WDR5: variants seen among roughly 807,000 people sequenced by gnomAD.
WDR5 encodes WD repeat domain 5.
For missense variants in WDR5, 187 were observed against 416.9 expected, an observed-to-expected ratio of 0.45 and a Z score of 4.80; for synonymous variants, 144 against 161.6, an observed-to-expected ratio of 0.89 and a Z score of 0.83.
chr9:134,155,407 A>G lies in WDR5; in HGVS notation c.741+34A>G, dbSNP rs768022184. On this transcript the variant is annotated intron_variant, in intron 11 of 13. Transcript: ENST00000358625. The stretch of plus-strand genomic sequence containing the variant: ...CCGCAGGCTTGGGCCCCCATGGTGC[A>G]CCATCCCTGGGTCATGGCCTCTGGT... 7.6e-6 allele frequency: 12 copies of G among 1,584,688 alleles called. No homozygotes were observed. In the South Asian group the frequency reaches 9.3e-5, roughly 12 times the overall value.
intron 11 of WDR5, 42 bp downstream of exon 11, chr9:134,155,415 T>C: frequency 6.4e-7 from 1 of 1,574,286 alleles, no homozygotes; most frequent in Non-Finnish European, 8.6e-7. Flanking sequence ...GCACCATCCC[T>C]GGGTCATGGC....
intron 7 of WDR5, among the ~76,000 whole-genome samples, chr9:134,143,538 T>TC (rs1832009880): frequency 6.6e-6 from 1 of 151,690 alleles, no homozygotes; most frequent in African/African-American, 2.4e-5. Flanking sequence ...TGTCTTTTTT[T>TC]TTTTTTGAGA....
chr9:134,140,066 C>A, intron 2 of WDR5, 108 bp downstream of exon 2: 1 of 1,284,974 alleles, frequency 7.8e-7, no homozygotes, highest in Non-Finnish European at 1.1e-6. Flanking sequence ...AGTTAAATGT[C>A]ACTGCTAATT....
At position 134,157,046 on chromosome 9, in the gene WDR5, A is replaced by C. The variant is rs1332700466; in HGVS notation, c.904+453A>C. On this transcript the variant is annotated intron_variant, in intron 13 of 13. Transcript: ENST00000358625. The surrounding 1 kb of genome is among the most constrained non-coding windows in gnomAD (Gnocchi z 5.0). ...GGGCTCCACGGCGGAGCTGGTTCCC[A>C]GGCTACCTGGGGTTGCCACCTCTGT... 6.6e-6 allele frequency among the ~76,000 whole-genome samples: 1 copy of C among 151,674 alleles called. No homozygotes were observed. The highest frequency in any genetic ancestry group is 2.1e-4 in the South Asian group (1 of 4,814).
intron 8 of WDR5, 68 bp downstream of exon 8, chr9:134,148,411 C>CCCCAGATGCAGGAACAG: frequency 7.1e-7 from 1 of 1,409,132 alleles, no homozygotes; most frequent in Non-Finnish European, 1.0e-6. Context: ...TGCACTGTTC[C>CCCCAGATGCAGGAACAG]TGCATCTGGG....
At position 134,157,875 on chromosome 9, in the gene WDR5, CTG is replaced by C. The variant is rs1439771417; in HGVS notation, c.905-14_905-13del. On this transcript the variant is annotated splice_polypyrimidine_tract_variant and intron_variant, in intron 13 of 13. Transcript: ENST00000358625. The surrounding 1 kb of genome is among the most constrained non-coding windows in gnomAD (Gnocchi z 5.0). Reference sequence around the variant, plus strand: ...GGCGCAGGGATGGCTCTGGTTCTGACTGTGTCTTTGTTTTCAGATGTCGTGAT... The same window carrying C: ...GGCGCAGGGATGGCTCTGGTTCTGACTGTCTTTGTTTTCAGATGTCGTGAT... The C allele has an allele frequency of 4.3e-6, 7 of 1,613,122 alleles. No individual in the cohort carries two copies. The highest frequency in any genetic ancestry group is 2.2e-5 in the South Asian group (2 of 91,070).
chr9:134,147,523 C>A (rs1832266991), intron 7 of WDR5, among the ~76,000 whole-genome samples: 1 of 152,160 alleles, frequency 6.6e-6, no homozygotes, highest in East Asian at 1.9e-4. Context: ...ACCCTGTCCC[C>A]CCCGGAAGAG....
chr9:134,144,962 CA>C (rs1832095740), intron 7 of WDR5, among the ~76,000 whole-genome samples: 1 of 152,086 alleles, frequency 6.6e-6, no homozygotes, highest in Non-Finnish European at 1.5e-5. Context: ...TTTTTAGGTG[CA>C]TATTTTCCAG....
intron 4 of WDR5, 31 bp downstream of exon 4, chr9:134,141,614 C>T: frequency 1.9e-6 from 3 of 1,610,840 alleles, no homozygotes; most frequent in Non-Finnish European, 2.5e-6. Context: ...GTGAAGTTGA[C>T]TGTTGAACAG....
chr9:134,148,215 A>G, intron 7 of WDR5, 73 bp from the exon 8 acceptor site: 2 of 360,316 alleles, frequency 5.6e-6, no homozygotes, highest in Non-Finnish European at 1.0e-5. Flanking sequence ...TTTTTTTGAG[A>G]TCAGGTAAGA....
In WDR5 at chr9:134,156,589, C is replaced by T. The variant is rs1238412165; in HGVS notation, c.900C>T (p.His300=). 25 of 1,614,032 alleles carry T rather than the reference C, an allele frequency of 1.5e-5. No individual in the cohort carries two copies. Among genetic ancestry groups the T allele is most frequent in the Non-Finnish European group, 2.0e-5 (24 of 1,179,998 alleles). The stretch of plus-strand genomic sequence containing the variant: ...AGATTGTACAGAAACTACAAGGCCA[C>T]ACAGGTGAGGGCCTGCGCTCCTGCA... The part of the protein sequence containing the change: ...TKEIVQKLQG[H]TDVVISTACH... Residue 300 remains histidine, a synonymous_variant, in exon 13 of 14, where the codon CAC becomes CAT. Transcript: ENST00000358625.
intron 5 of WDR5, 129 bp downstream of exon 5, chr9:134,142,167 G>T (rs541989019): frequency 6.6e-6 from 5 of 763,186 alleles, no homozygotes; most frequent in South Asian, 6.5e-5. Flanking sequence ...GGCTGCAGGG[G>T]CATGGGGCGG....
Position 134,157,205 on chromosome 9 carries a change from C to A in WDR5, c.904+612C>A, listed in dbSNP as rs28635910. Among the ~76,000 whole-genome samples, 66,382 of 152,090 alleles carry A rather than the reference C, an allele frequency of 0.44. 14,755 individuals are homozygous for A. Among genetic ancestry groups the A allele is most frequent in the Non-Finnish European group, 0.48 (32,780 of 67,952 alleles). On this transcript the variant is annotated intron_variant, in intron 13 of 13. Coordinates refer to ENST00000358625, the MANE Select transcript of WDR5 (RefSeq NM_017588.3). The surrounding 1 kb of genome is among the most constrained non-coding windows in gnomAD (Gnocchi z 5.0). ...CTGGGGAGGCACTGCTTCTCCCTCC[C>A]TGTGAGCAGCTTCACCCAGCCTGGG...
chr9:134,156,365 G>T, intron 12 of WDR5, 141 bp from the exon 13 acceptor site: 1 of 768,626 alleles, frequency 1.3e-6, no homozygotes, highest in Non-Finnish European at 2.2e-6. Context: ...GGGCAGGCAG[G>T]GCTTTTTGGT....
In WDR5 at chr9:134,139,868, C is replaced by T. The variant is rs1365359761; in HGVS notation, c.-10C>T. On this transcript the variant is annotated 5_prime_UTR_variant, in exon 2 of 14. Coordinates refer to ENST00000358625, the MANE Select transcript of WDR5 (RefSeq NM_017588.3). ...CCACCCTTGTCTCCTGTGCGGCCAGCGTCAGAGCCATGGCGACGGAGGAGA... is the reference window on the plus strand; with the variant it reads ...CCACCCTTGTCTCCTGTGCGGCCAGTGTCAGAGCCATGGCGACGGAGGAGA... 1.6e-5 allele frequency: 26 copies of T among 1,613,372 alleles called. No homozygotes were observed. Among genetic ancestry groups the T allele is most frequent in the African/African-American group, 8.0e-5 (6 of 74,916 alleles).
chr9:134,148,248 A>G, intron 7 of WDR5, 40 bp from the exon 8 acceptor site: 1 of 1,441,256 alleles, frequency 6.9e-7, no homozygotes, highest in Non-Finnish European at 9.6e-7. Context: ...CCTGACTTGA[A>G]AGTAAGTTTT....
intron 3 of WDR5, 106 bp from the exon 4 acceptor site, chr9:134,141,404 A>G: frequency 9.2e-7 from 1 of 1,091,812 alleles, no homozygotes; most frequent in South Asian, 1.3e-5. Context: ...CATGTGGTTC[A>G]TGCTGATCAC....
intron 12 of WDR5, 91 bp downstream of exon 12, chr9:134,155,858 C>T: frequency 8.5e-7 from 1 of 1,176,438 alleles, no homozygotes; most frequent in Non-Finnish European, 1.2e-6. Context: ...TACTCAGAGA[C>T]ACTTTTCTGT....
Position 134,136,534 on chromosome 9 carries a change from C to T in WDR5, c.-59+334C>T, listed in dbSNP as rs372155121. On this transcript the variant is annotated intron_variant, in intron 1 of 13. Coordinates refer to ENST00000358625, the MANE Select transcript of WDR5 (RefSeq NM_017588.3). Reference sequence around the variant, plus strand: ...CGGCCTCACATCGCCCCTCTCCCTCCACTGCCCCTTCAGGGAAGGACCCCA... The same window carrying T: ...CGGCCTCACATCGCCCCTCTCCCTCTACTGCCCCTTCAGGGAAGGACCCCA... Among the ~76,000 whole-genome samples the T allele has an allele frequency of 1.8e-4, 28 of 152,316 alleles. No individual in the cohort carries two copies. The South Asian group carries it at 3.9e-3, about 21-fold the overall frequency.
Sources: allele counts gnomAD v4.1 joint callset (sites outside exome capture counted in the v4.1 genomes callset), GRCh38; gene constraint gnomAD v4.1.1; non-coding constraint Gnocchi (gnomAD v3.1); transcripts MANE v1.5; gene names NCBI Gene and HGNC (gene_info 2026-07-23, HGNC 2026-07-21).